S100A8: variants seen among roughly 807,000 people sequenced by gnomAD.
S100A8 encodes the protein S100 calcium binding protein A8, also known as protein S100-A8.
A neutral mutation model predicts 4.2 loss-of-function variants in S100A8; 1 was observed. That is an observed-to-expected ratio of 0.24 (90% CI 0.08 to 1.12). The LOEUF (loss-of-function observed/expected upper bound fraction) is 1.12, where lower values mean the gene tolerates loss of function less well. S100A8 is among the 50% of genes most tolerant of loss of function. The pLI, the probability that S100A8 is intolerant of heterozygous loss-of-function variation, is 0.53. For synonymous variants in S100A8, 41 were observed against 44.7 expected, an observed-to-expected ratio of 0.92 and a Z score of 0.33; for missense variants, 96 against 111.8, an observed-to-expected ratio of 0.86 and a Z score of 0.64.
At chr1:153,421,645 G>A in the S100A8 span, 4 of 152,188 alleles carry the variant, frequency 2.6e-5, no homozygotes, top group African/African-American at 4.8e-5. Context: ...GAAAGGATAA[G>A]GCAAATGACT....
At chr1:153,392,764 A>T (rs1323332803), upstream of S100A8, among the ~76,000 whole-genome samples, 1 of 152,150 alleles carries the variant, frequency 6.6e-6, no homozygotes, top group Non-Finnish European at 1.5e-5. Flanking sequence ...TCTGCATTGC[A>T]CAAGGGCATG....
chr1:153,411,197 T>C, the S100A8 span, among the ~76,000 whole-genome samples: 18 of 152,202 alleles, frequency 1.2e-4, no homozygotes, highest in African/African-American at 4.3e-4. Context: ...ATTGTCCCTG[T>C]TTGCAGATGA....
the S100A8 span, among the ~76,000 whole-genome samples, chr1:153,398,673 G>T: frequency 6.6e-6 from 1 of 152,180 alleles, no homozygotes; most frequent in Admixed American, 6.5e-5. Flanking sequence ...TAGGAATCAG[G>T]ACAACTGCTG....
the S100A8 span, among the ~76,000 whole-genome samples, chr1:153,399,047 C>G: frequency 2.0e-3 from 303 of 152,272 alleles, 1 homozygote; most frequent in African/African-American, 7.1e-3. Context: ...CAACACAAAC[C>G]CTCACCCCCA....
upstream of S100A8, among the ~76,000 whole-genome samples, chr1:153,395,640 C>T (rs563219383): frequency 3.3e-5 from 5 of 152,292 alleles, no homozygotes; most frequent in East Asian, 3.9e-4. Flanking sequence ...GGTCCCAGGG[C>T]CCTCGCCCCT....
rs1359717144 is a variant in S100A8, at chr1:153,390,151, C to A, written c.234G>T (p.Met78Ile). The change falls in exon 3 of 3, where the codon ATG becomes ATT. Residue 78 changes from methionine (M) to isoleucine (I), a missense_variant. By Grantham distance (10) the Met-to-Ile change is conservative. Coordinates refer to ENST00000368733, the MANE Select transcript of S100A8 (RefSeq NM_002964.5). ...GGCTTTTTTTGTGGGCTGCCACGCCCATCTTTATCACCAGAATGAGGAACT... is the reference window on the plus strand; with the variant it reads ...GGCTTTTTTTGTGGGCTGCCACGCCAATCTTTATCACCAGAATGAGGAACT... ...FQEFLILVIK[M>I]GVAAHKKSHE... The A allele has an allele frequency of 6.2e-7, 1 of 1,614,072 alleles. No individual in the cohort carries two copies. Among genetic ancestry groups the A allele is most frequent in the South Asian group, 1.1e-5 (1 of 91,074 alleles).
the S100A8 span, chr1:153,422,373 T>C: frequency 2.9e-5 from 9 of 311,672 alleles, no homozygotes; most frequent in Non-Finnish European, 3.7e-5. Context: ...GGCACAGGTA[T>C]TAGTGTCATA....
rs201853284 is a variant in S100A8 at position 153,390,451 on chromosome 1, C to T, written c.85G>A (p.Val29Ile). 6.4e-5 allele frequency: 103 copies of T among 1,614,184 alleles called. No individual in the cohort carries two copies. In the East Asian group the frequency reaches 1.2e-3, roughly 19 times the overall value. The change falls in exon 2 of 3, where the codon GTC becomes ATC. Residue 29 changes from valine to isoleucine, a missense_variant. Val to Ile is a conservative substitution (Grantham distance 29). Transcript: ENST00000368733. ...AATTTCTTCAGGTCATCCCTGTAGACGGCATGGAAATTCCCCTTTATCAGG... is the reference window on the plus strand; with the variant it reads ...AATTTCTTCAGGTCATCCCTGTAGATGGCATGGAAATTCCCCTTTATCAGG... ...YSLIKGNFHA[V>I]YRDDLKKLLE...
chr1:153,391,484 T>C (rs1662096314), upstream of S100A8, among the ~76,000 whole-genome samples: 1 of 152,090 alleles, frequency 6.6e-6, no homozygotes, highest in Admixed American at 6.5e-5. Context: ...GTGAGAACAT[T>C]CCTCCATGGC....
chr1:153,404,878 G>A, the S100A8 span, among the ~76,000 whole-genome samples: 3 of 152,062 alleles, frequency 2.0e-5, no homozygotes, highest in Non-Finnish European at 4.4e-5. Flanking sequence ...CCAGCCACGT[G>A]GTACTGCCTC....
the S100A8 span, among the ~76,000 whole-genome samples, chr1:153,416,038 C>T: frequency 6.6e-6 from 1 of 152,192 alleles, no homozygotes; most frequent in African/African-American, 2.4e-5. Context: ...CTTCTTAAGA[C>T]TATGAGGGGA....
the S100A8 span, among the ~76,000 whole-genome samples, chr1:153,413,666 C>T: frequency 8.1e-4 from 124 of 152,160 alleles, no homozygotes; most frequent in Non-Finnish European, 1.5e-3. Context: ...TTTGGGAGGC[C>T]GAGATGAGTG....
upstream of S100A8, among the ~76,000 whole-genome samples, chr1:153,393,203 T>C (rs1662141423): frequency 6.6e-6 from 1 of 152,166 alleles, no homozygotes; most frequent in African/African-American, 2.4e-5. Context: ...CTGATCCAGC[T>C]CAGGCATCAT....
At chr1:153,414,921 C>T in the S100A8 span, among the ~76,000 whole-genome samples, 2 of 152,224 alleles carry the variant, frequency 1.3e-5, no homozygotes, top group Non-Finnish European at 2.9e-5. Flanking sequence ...CACCCACCAC[C>T]TGACCTCCTG....
At chr1:153,398,171 G>A in the S100A8 span, among the ~76,000 whole-genome samples, 2 of 152,056 alleles carry the variant, frequency 1.3e-5, no homozygotes, top group Non-Finnish European at 2.9e-5. Context: ...GACACCCCAG[G>A]GCATGGATAG....
chr1:153,412,334 G>A, the S100A8 span, among the ~76,000 whole-genome samples: 1 of 152,162 alleles, frequency 6.6e-6, no homozygotes, highest in African/African-American at 2.4e-5. Flanking sequence ...GATATGAACA[G>A]ACACTTCTCA....
chr1:153,409,841 A>G, the S100A8 span, among the ~76,000 whole-genome samples: 1 of 152,232 alleles, frequency 6.6e-6, no homozygotes, highest in Non-Finnish European at 1.5e-5. Flanking sequence ...AAAACCACTC[A>G]ACTACATGGA....
the S100A8 span, among the ~76,000 whole-genome samples, chr1:153,397,055 C>A: frequency 1.3e-5 from 2 of 152,218 alleles, no homozygotes; most frequent in Non-Finnish European, 2.9e-5. Context: ...CTGCAGTGCC[C>A]GAGAAGCACT....
At chr1:153,401,698 C>A in the S100A8 span, among the ~76,000 whole-genome samples, 1 of 152,158 alleles carries the variant, frequency 6.6e-6, no homozygotes, top group Non-Finnish European at 1.5e-5. Context: ...CGGCCGCACC[C>A]AGGGTTTTAG....
Sources: allele counts gnomAD v4.1 joint callset (sites outside exome capture counted in the v4.1 genomes callset), GRCh38; gene constraint gnomAD v4.1.1; transcripts MANE v1.5; gene names NCBI Gene and HGNC (gene_info 2026-07-23, HGNC 2026-07-21).